GPM6A: variants seen among roughly 807,000 people sequenced by gnomAD.
The protein encoded by GPM6A is neuronal membrane glycoprotein M6-a.
GPM6A carries 7 observed loss-of-function variants against 32.1 expected under a neutral mutation model. That is an observed-to-expected ratio of 0.22 (90% CI 0.12 to 0.41). The LOEUF (loss-of-function observed/expected upper bound fraction) is 0.41. GPM6A is among the 10% of genes least tolerant of loss of function. The pLI is 1.00. For missense variants in GPM6A, 235 were observed against 347.2 expected, an observed-to-expected ratio of 0.68 and a Z score of 2.57; for synonymous variants, 130 against 123.4, an observed-to-expected ratio of 1.05 and a Z score of -0.35.
intron 2 of GPM6A, among the ~76,000 whole-genome samples, chr4:175,690,838 A>G (rs75025219): frequency 0.047 from 7,169 of 152,252 alleles, 197 homozygotes; most frequent in Non-Finnish European, 0.063. Context: ...TATAATATTG[A>G]GGGCCATTAT....
In GPM6A at chr4:175,644,895, T is replaced by C. The variant is rs112650869; in HGVS notation, c.542-4066A>G. On this transcript the variant is annotated intron_variant, in intron 4 of 6. Transcript: ENST00000393658. The stretch of plus-strand genomic sequence containing the variant: ...GATGAGGCAGGCGGATCAGCTGAGG[T>C]CAGGAGTTCAAGACCAGCCTGGCCA... Among the ~76,000 whole-genome samples the C allele has an allele frequency of 3.7e-3, 557 of 151,948 alleles. 3 individuals carry two copies. Among genetic ancestry groups the C allele is most frequent in the Non-Finnish European group, 6.3e-3 (428 of 67,932 alleles).
chr4:175,774,350 A>C (rs1329795922), intron 1 of GPM6A, among the ~76,000 whole-genome samples: 1 of 152,098 alleles, frequency 6.6e-6, no homozygotes, highest in East Asian at 1.9e-4. Flanking sequence ...ATTATTTAAA[A>C]ACATTAATAA....
chr4:175,960,792 CT>C (rs1740139817), intron 1 of GPM6A: 1 of 152,172 alleles, frequency 6.6e-6, no homozygotes, highest in Non-Finnish European at 1.5e-5. Flanking sequence ...TACACAAGAT[CT>C]CTTCAAATTC....
At chr4:175,714,769 CG>C (rs201427516) in intron 1 of GPM6A, among the ~76,000 whole-genome samples, 1,893 of 151,886 alleles carry the variant, frequency 0.012, 21 homozygotes, top group Middle Eastern at 0.027. Context: ...ACATTCAGAC[CG>C]TTTTTTTTTA....
intron 1 of GPM6A, among the ~76,000 whole-genome samples, chr4:175,714,607 A>G (rs1745740219): frequency 1.3e-5 from 2 of 152,152 alleles, no homozygotes. Context: ...TGAAAGAGCT[A>G]TAATTATAGT....
At chr4:175,969,294 G>C (rs1388378672) in intron 1 of GPM6A, among the ~76,000 whole-genome samples, 1 of 152,130 alleles carries the variant, frequency 6.6e-6, no homozygotes, top group Non-Finnish European at 1.5e-5. Flanking sequence ...GGGATTCTTA[G>C]GGCAGTGAGA....
At chr4:175,717,776 G>A (rs895011883) in intron 1 of GPM6A, among the ~76,000 whole-genome samples, 1 of 152,082 alleles carries the variant, frequency 6.6e-6, no homozygotes, top group African/African-American at 2.4e-5. Flanking sequence ...TTTGTTCTTG[G>A]TTAATATGAT....
At chr4:175,874,177 C>T (rs917761807) in intron 1 of GPM6A, among the ~76,000 whole-genome samples, 4 of 152,054 alleles carry the variant, frequency 2.6e-5, no homozygotes, top group African/African-American at 9.7e-5. Flanking sequence ...TCTTCATGTT[C>T]CGCAGGTCAA....
At chr4:175,685,429 C>T (rs1193698765) in intron 2 of GPM6A, among the ~76,000 whole-genome samples, 2 of 152,112 alleles carry the variant, frequency 1.3e-5, no homozygotes, top group Admixed American at 1.3e-4. Flanking sequence ...TGTTAAGGTC[C>T]TTAATTTACT....
At chr4:175,950,443 A>G (rs1579656576) in intron 1 of GPM6A, among the ~76,000 whole-genome samples, 1 of 152,250 alleles carries the variant, frequency 6.6e-6, no homozygotes, top group Non-Finnish European at 1.5e-5. Flanking sequence ...AAATAAGAAT[A>G]TAATACTTGT....
chr4:175,732,290 G>A (rs373010827), intron 1 of GPM6A, among the ~76,000 whole-genome samples: 14 of 151,862 alleles, frequency 9.2e-5, no homozygotes, highest in African/African-American at 2.2e-4. Flanking sequence ...TTGTTCAAGC[G>A]TTATTGCTAC....
intron 1 of GPM6A, among the ~76,000 whole-genome samples, chr4:175,976,525 G>A (rs1223944300): frequency 6.6e-6 from 1 of 151,950 alleles, no homozygotes; most frequent in Non-Finnish European, 1.5e-5. Flanking sequence ...CCTTACCACA[G>A]GCAATAGCTA....
chr4:175,638,138 A>G (rs1157384516), intron 6 of GPM6A, among the ~76,000 whole-genome samples: 1 of 150,748 alleles, frequency 6.6e-6, no homozygotes, highest in East Asian at 1.9e-4. Flanking sequence ...AGTAGAGTAG[A>G]ACAGAATAAG....
intron 1 of GPM6A, among the ~76,000 whole-genome samples, chr4:175,769,593 A>G (rs998244953): frequency 7.5e-5 from 11 of 145,948 alleles, no homozygotes; most frequent in African/African-American, 2.5e-4. Context: ...AGGCTTAGGA[A>G]CCCAGGGTTG....
chr4:175,833,465 T>C (rs1735676435), intron 1 of GPM6A, among the ~76,000 whole-genome samples: 1 of 152,168 alleles, frequency 6.6e-6, no homozygotes, highest in Non-Finnish European at 1.5e-5. Flanking sequence ...CGTAATCCAG[T>C]TCATAGAGCA....
chr4:175,737,028 TTACTGGTTTATG>T (rs1731688500), intron 1 of GPM6A, among the ~76,000 whole-genome samples: 1 of 152,176 alleles, frequency 6.6e-6, no homozygotes, highest in Non-Finnish European at 1.5e-5. Context: ...AATGACTATG[TTACTGGTTTATG>T]TATTGACTAT....
At chr4:175,808,194 A>C (rs1015008150) in intron 1 of GPM6A, among the ~76,000 whole-genome samples, 12 of 152,166 alleles carry the variant, frequency 7.9e-5, no homozygotes, top group African/African-American at 2.7e-4. Context: ...TACACACACA[A>C]AAAATGTCTG....
chr4:175,795,144 A>G (rs769053730), intron 1 of GPM6A, among the ~76,000 whole-genome samples: 3 of 152,214 alleles, frequency 2.0e-5, no homozygotes, highest in Non-Finnish European at 4.4e-5. Flanking sequence ...GGCATTAGTA[A>G]TGACCTGTAA....
At chr4:175,866,355 A>G (rs1303865925) in intron 1 of GPM6A, among the ~76,000 whole-genome samples, 1 of 152,190 alleles carries the variant, frequency 6.6e-6, no homozygotes, top group Non-Finnish European at 1.5e-5. Flanking sequence ...GGACAAATGT[A>G]TAAAGACACA....
Sources: allele counts gnomAD v4.1 joint callset (sites outside exome capture counted in the v4.1 genomes callset), GRCh38; gene constraint gnomAD v4.1.1; transcripts MANE v1.5; gene names NCBI Gene and HGNC (gene_info 2026-07-23, HGNC 2026-07-21).